The following BAIAP2 variants were observed in gnomAD, a reference collection of about 807,000 sequenced individuals.
BAIAP2 encodes the protein BAR/IMD domain containing adaptor protein 2, also known as BAR/IMD domain-containing adapter protein 2.
BAIAP2 carries 18 observed loss-of-function variants against 63.0 expected under a neutral mutation model. The ratio of observed to expected loss-of-function variants is 0.29; its 90% CI spans 0.20 to 0.42. The LOEUF is 0.42. Among genes scored for constraint, BAIAP2 ranks in the 10% least tolerant of loss-of-function variants. The pLI is 1.00. For missense variants in BAIAP2, 610 were observed against 734.3 expected (o/e 0.83, Z 1.96); for synonymous variants, 386 against 307.6 (o/e 1.25, Z -2.67).
At chr17:81,080,387 G>C (rs975724734) in intron 3 of BAIAP2, among the ~76,000 whole-genome samples, 1 of 152,264 alleles carries the variant, frequency 6.6e-6, no homozygotes, top group African/African-American at 2.4e-5. Flanking sequence ...GCTCAGGGCG[G>C]GCACACGCCT....
In BAIAP2 at chr17:81,104,698, G is replaced by A. The variant is rs1384591328; in HGVS notation, c.1251G>A (p.Glu417=). Residue 417 remains glutamate, a synonymous_variant, in exon 10 of 14, where the codon GAG becomes GAA. Coordinates refer to ENST00000428708, the MANE Select transcript of BAIAP2 (RefSeq NM_001144888.2). ...CCCGCGATGGCTGGCACTACGGAGAGAGTGAGAAGACCAAGATGTGAGTGT... is the reference window on the plus strand; with the variant it reads ...CCCGCGATGGCTGGCACTACGGAGAAAGTGAGAAGACCAAGATGTGAGTGT... ...PEARDGWHYG[E]SEKTKMRGWF... is the part of the protein sequence containing the mutation. 1.9e-6 allele frequency: 3 copies of A among 1,588,330 alleles called. No homozygotes were observed. In the African/African-American group the frequency reaches 4.0e-5, roughly 21 times the overall value.
At chr17:81,077,814 G>A (rs1312430108) in intron 3 of BAIAP2, among the ~76,000 whole-genome samples, 1 of 151,448 alleles carries the variant, frequency 6.6e-6, no homozygotes, top group African/African-American at 2.4e-5. Flanking sequence ...GTTCCACCTC[G>A]GAGCTGGGTG....
At chr17:81,109,298 G>A (rs141665898) in intron 13 of BAIAP2, 2 of 1,200,600 alleles carry the variant, frequency 1.7e-6, no homozygotes, top group Non-Finnish European at 2.1e-6. Flanking sequence ...TCACCCTGCA[G>A]TGTCTGTGGC....
At chr17:81,102,067 G>T (rs1272979870) in intron 7 of BAIAP2, among the ~76,000 whole-genome samples, 1 of 151,164 alleles carries the variant, frequency 6.6e-6, no homozygotes, top group Non-Finnish European at 1.5e-5. Flanking sequence ...GAGGGGTTGC[G>T]GGATGTGCCT....
chr17:81,045,023 G>A (rs890657772), intron 1 of BAIAP2, among the ~76,000 whole-genome samples: 15 of 152,228 alleles, frequency 9.9e-5, no homozygotes, highest in Non-Finnish European at 1.8e-4. Flanking sequence ...TGTGCCTCTC[G>A]GACAGGAAGG....
intron 3 of BAIAP2, among the ~76,000 whole-genome samples, chr17:81,064,443 C>G (rs536931066): frequency 6.6e-5 from 10 of 152,224 alleles, no homozygotes; most frequent in Non-Finnish European, 1.5e-4. Context: ...CTCTGTTCTT[C>G]CTGGGAAGAG....
At chr17:81,102,997 A>G (rs1050781744) in intron 7 of BAIAP2, among the ~76,000 whole-genome samples, 4 of 152,174 alleles carry the variant, frequency 2.6e-5, no homozygotes, top group African/African-American at 9.7e-5. Flanking sequence ...AGCAGGCCGC[A>G]GAGTACGCCC....
chr17:81,047,584 ACAGCACACACGGGTCCACGTGTGTC>A (rs1191628109), intron 1 of BAIAP2, among the ~76,000 whole-genome samples: 1 of 151,950 alleles, frequency 6.6e-6, no homozygotes, highest in East Asian at 1.9e-4. Context: ...GCTCATGCCC[ACAGCACACACGGGTCCACGTGTGTC>A]CAGCACACGT....
intron 1 of BAIAP2, among the ~76,000 whole-genome samples, chr17:81,050,055 C>A (rs1052600441): frequency 6.6e-6 from 1 of 152,224 alleles, no homozygotes; most frequent in Admixed American, 6.5e-5. Flanking sequence ...TGGGCTCCTC[C>A]CGTGGTTCCT....
intron 7 of BAIAP2, among the ~76,000 whole-genome samples, chr17:81,103,008 G>A (rs1478837265): frequency 1.3e-5 from 2 of 152,226 alleles, no homozygotes; most frequent in Non-Finnish European, 1.5e-5. Flanking sequence ...GAGTACGCCC[G>A]AGGGAGCGCG....
chr17:81,113,230 G>A (rs2060116565), intron 13 of BAIAP2, among the ~76,000 whole-genome samples: 1 of 152,180 alleles, frequency 6.6e-6, no homozygotes, highest in South Asian at 2.1e-4. Context: ...CCTCCTCAGG[G>A]TCCTCCGCTC....
chr17:81,093,568 G>A (rs182031795), intron 6 of BAIAP2, among the ~76,000 whole-genome samples: 2 of 152,220 alleles, frequency 1.3e-5, no homozygotes, highest in African/African-American at 4.8e-5. Context: ...GACCATGGGG[G>A]CTCCGTAGCA....
At chr17:81,049,026 A>G (rs1334257502) in intron 1 of BAIAP2, among the ~76,000 whole-genome samples, 1 of 152,212 alleles carries the variant, frequency 6.6e-6, no homozygotes, top group African/African-American at 2.4e-5. Flanking sequence ...GGGGTGGGAA[A>G]GGTGTTCCCT....
intron 3 of BAIAP2, among the ~76,000 whole-genome samples, chr17:81,073,636 C>T (rs1440223669): frequency 1.3e-5 from 2 of 152,210 alleles, no homozygotes; most frequent in African/African-American, 4.8e-5. Flanking sequence ...GGGCTGAGAG[C>T]ATCCGAGGCC....
At chr17:81,049,350 G>T (rs947890715) in intron 1 of BAIAP2, among the ~76,000 whole-genome samples, 2 of 152,224 alleles carry the variant, frequency 1.3e-5, no homozygotes, top group Non-Finnish European at 2.9e-5. Flanking sequence ...AGCGCCCTCA[G>T]TGTGGACAGC....
intron 1 of BAIAP2, among the ~76,000 whole-genome samples, chr17:81,049,194 G>A (rs1461301238): frequency 6.6e-6 from 1 of 152,234 alleles, no homozygotes; most frequent in Non-Finnish European, 1.5e-5. Flanking sequence ...GGAGTGTGGT[G>A]GTTGCTCATG....
At chr17:81,067,155 G>A (rs2051630703) in intron 3 of BAIAP2, among the ~76,000 whole-genome samples, 1 of 152,236 alleles carries the variant, frequency 6.6e-6, no homozygotes, top group Non-Finnish European at 1.5e-5. Flanking sequence ...CGACCTGCCT[G>A]TACCTCCCTT....
intron 3 of BAIAP2, among the ~76,000 whole-genome samples, chr17:81,061,500 G>A (rs965331424): frequency 1.3e-5 from 2 of 152,204 alleles, no homozygotes; most frequent in African/African-American, 2.4e-5. Context: ...ATTTGCTGGA[G>A]TTTTACATAC....
intron 3 of BAIAP2, among the ~76,000 whole-genome samples, chr17:81,073,379 C>T (rs1159502446): frequency 6.6e-6 from 1 of 152,174 alleles, no homozygotes; most frequent in East Asian, 1.9e-4. Context: ...CTCCCCTCAC[C>T]CTGGGCTCAG....
Sources: allele counts gnomAD v4.1 joint callset (sites outside exome capture counted in the v4.1 genomes callset), GRCh38; gene constraint gnomAD v4.1.1; transcripts MANE v1.5; gene names NCBI Gene and HGNC (gene_info 2026-07-23, HGNC 2026-07-21).